The following VWA8 variants were observed in gnomAD, a reference collection of about 807,000 sequenced individuals.
The protein encoded by VWA8 is von Willebrand factor A domain-containing protein 8.
In VWA8, 221 loss-of-function variants were observed where a neutral mutation model predicts 241.5. That is an observed-to-expected ratio of 0.91 (90% CI 0.82 to 1.02). VWA8 has a LOEUF of 1.02. Among genes scored for constraint, VWA8 ranks in the 50% least tolerant of loss-of-function variants. The probability of loss-of-function intolerance (pLI) is 0.00; values close to 1 mark genes in which losing one functional copy is unlikely to be tolerated. For synonymous variants in VWA8, 852 were observed against 827.1 expected, an observed-to-expected ratio of 1.03 and a Z score of -0.52; for missense variants, 2,322 against 2,328.7, an observed-to-expected ratio of 1.00 and a Z score of 0.06.
intron 37 of VWA8, among the ~76,000 whole-genome samples, chr13:41,668,746 A>G (rs2045003156): frequency 6.6e-6 from 1 of 152,220 alleles, no homozygotes; most frequent in South Asian, 2.1e-4. Context: ...TAGATTATTA[A>G]GACAATTAGT....
At chr13:41,920,830 A>C (rs949872456) in intron 2 of VWA8, among the ~76,000 whole-genome samples, 3 of 152,216 alleles carry the variant, frequency 2.0e-5, no homozygotes, top group Non-Finnish European at 4.4e-5. Flanking sequence ...GACCAGATGG[A>C]TTCACAGCCA....
chr13:41,599,983 A>T (rs1292270372), intron 40 of VWA8, among the ~76,000 whole-genome samples: 3 of 152,144 alleles, frequency 2.0e-5, no homozygotes. Flanking sequence ...ATGGAGGTCA[A>T]GTGATCTGCT....
chr13:41,822,563 T>TA (rs2137988868), intron 14 of VWA8, among the ~76,000 whole-genome samples: 1 of 152,284 alleles, frequency 6.6e-6, no homozygotes, highest in South Asian at 2.1e-4. Flanking sequence ...TCATTGCTAT[T>TA]AACTTTTTGA....
chr13:41,576,539 AG>A (rs2044351564), intron 42 of VWA8, among the ~76,000 whole-genome samples: 1 of 152,238 alleles, frequency 6.6e-6, no homozygotes, highest in South Asian at 2.1e-4. Flanking sequence ...AAAAATAGGA[AG>A]TGAGAAGAAG....
chr13:41,902,465 T>C (rs1444002102), intron 4 of VWA8, among the ~76,000 whole-genome samples: 2 of 152,244 alleles, frequency 1.3e-5, no homozygotes, highest in African/African-American at 4.8e-5. Flanking sequence ...TCAATTATGC[T>C]ACCCTTCTTT....
intron 4 of VWA8, among the ~76,000 whole-genome samples, chr13:41,897,738 AGT>A: frequency 6.6e-6 from 1 of 152,170 alleles, no homozygotes; most frequent in East Asian, 1.9e-4. Context: ...CTTCGCTGTG[AGT>A]GTTACAGCTC....
intron 18 of VWA8, among the ~76,000 whole-genome samples, chr13:41,784,987 A>T (rs1215210508): frequency 6.6e-6 from 1 of 151,632 alleles, no homozygotes; most frequent in East Asian, 1.9e-4. Context: ...TGGAAGCCAG[A>T]AAACTAAGTA....
intron 2 of VWA8, among the ~76,000 whole-genome samples, chr13:41,917,727 A>G (rs1876326357): frequency 6.6e-6 from 1 of 152,234 alleles, no homozygotes; most frequent in Non-Finnish European, 1.5e-5. Context: ...CTGGGCCTAG[A>G]GGCAAATCTG....
intron 29 of VWA8, among the ~76,000 whole-genome samples, chr13:41,698,441 A>G (rs987991703): frequency 2.6e-5 from 4 of 152,052 alleles, no homozygotes; most frequent in African/African-American, 9.7e-5. Context: ...TTTTAGCCTG[A>G]CTCCGGGCAT....
At position 41,811,206 on chromosome 13, in the gene VWA8, T is replaced by G; in HGVS notation, c.2063+19A>C. 1.3e-6 allele frequency: 2 copies of G among 1,581,344 alleles called. No individual in the cohort carries two copies. Among genetic ancestry groups the G allele is most frequent in the Non-Finnish European group, 1.7e-6 (2 of 1,152,890 alleles). ...TGAAGATCCAGAAACTTACACGCAGTGAGAAAGAATATGTTTACCTGGAAA... is the reference window on the plus strand; with the variant it reads ...TGAAGATCCAGAAACTTACACGCAGGGAGAAAGAATATGTTTACCTGGAAA... On this transcript the variant is annotated intron_variant, in intron 17 of 44. Transcript: ENST00000379310.
At chr13:41,896,067 G>C (rs1875093227) in intron 4 of VWA8, among the ~76,000 whole-genome samples, 1 of 151,910 alleles carries the variant, frequency 6.6e-6, no homozygotes, top group Non-Finnish European at 1.5e-5. Flanking sequence ...ACCATGACTA[G>C]ATAGGCAAAT....
chr13:41,748,471 T>G (rs1433348560), intron 21 of VWA8, among the ~76,000 whole-genome samples: 1 of 152,186 alleles, frequency 6.6e-6, no homozygotes, highest in Non-Finnish European at 1.5e-5. Flanking sequence ...TTATTGCGTC[T>G]ATTTGATTCT....
chr13:41,783,770 C>A, intron 19 of VWA8, 25 bp downstream of exon 19: 1 of 1,542,448 alleles, frequency 6.5e-7, no homozygotes, highest in South Asian at 1.1e-5. Context: ...GTGATTTATC[C>A]AAGAACACAA....
At chr13:41,646,106 G>C (rs1231137482) in intron 37 of VWA8, among the ~76,000 whole-genome samples, 1 of 151,856 alleles carries the variant, frequency 6.6e-6, no homozygotes, top group Non-Finnish European at 1.5e-5. Flanking sequence ...AGCTGGGATT[G>C]CAGGCATGTG....
Position 41,833,360 on chromosome 13 carries a change from C to T in VWA8, c.1586+11G>A, listed in dbSNP as rs1251760300. 6.3e-7 allele frequency: 1 copy of T among 1,597,528 alleles called. No individual in the cohort carries two copies. Among genetic ancestry groups the T allele is most frequent in the Non-Finnish European group, 8.5e-7 (1 of 1,172,642 alleles). On this transcript the variant is annotated intron_variant, in intron 13 of 44. Coordinates refer to ENST00000379310, the MANE Select transcript of VWA8 (RefSeq NM_015058.2). ...GTGTGTCTGTGTGTGATTTTTGTGACTCATACCCACCTTTGCAATACAGCA... is the reference window on the plus strand; with the variant it reads ...GTGTGTCTGTGTGTGATTTTTGTGATTCATACCCACCTTTGCAATACAGCA...
chr13:41,784,727 T>TATATATATATATATATATATAC lies in VWA8; in HGVS notation c.2171-827_2171-826insGTATATATATATATATATATAT, dbSNP rs1555335045. 9.4e-4 allele frequency among the ~76,000 whole-genome samples: 65 copies of TATATATATATATATATATATAC among 68,952 alleles called. 4 individuals carry two copies. The highest frequency in any genetic ancestry group is 1.7e-3 in the Non-Finnish European group (52 of 31,460). The allele number at this position is 68,952 out of a possible 152,430, so 45.2% of individuals were successfully genotyped here. On this transcript the variant is annotated intron_variant, in intron 18 of 44. Coordinates refer to ENST00000379310, the MANE Select transcript of VWA8 (RefSeq NM_015058.2). ...ATATATATATATATATATATATATA[T>TATATATATATATATATATATAC]ATACACACACATATATATATATATA...
chr13:41,691,931 T>A lies in VWA8; in HGVS notation c.3683A>T (p.Tyr1228Phe). 6.2e-7 allele frequency: 1 copy of A among 1,607,042 alleles called. No individual in the cohort carries two copies. Residue 1228 changes from tyrosine to phenylalanine, a missense_variant, in exon 31 of 45, where the codon TAT (tyrosine) becomes TTT (phenylalanine). Coordinates refer to ENST00000379310, the MANE Select transcript of VWA8 (RefSeq NM_015058.2). ...FWWNKEEAET[Y>F]KMCKEFSHKN... ...GTGTGAAAATTCTTTACACATTTTA[T>A]AAGTTTCCTAAAGACAAACAAAACA...
At chr13:41,611,444 G>T in intron 39 of VWA8, 132 bp downstream of exon 39, 1 of 1,229,990 alleles carries the variant, frequency 8.1e-7, no homozygotes, top group Non-Finnish European at 1.1e-6. Flanking sequence ...GATGGCTGTG[G>T]ATTTCAGTTT....
chr13:41,736,844 C>CTTTTTTTT (rs5803100), intron 21 of VWA8, among the ~76,000 whole-genome samples: 3 of 128,488 alleles, frequency 2.3e-5, no homozygotes, highest in Non-Finnish European at 3.3e-5. Context: ...TTTTTCTTTT[C>CTTTTTTTT]TTTTTTTTTT....
Sources: allele counts gnomAD v4.1 joint callset (sites outside exome capture counted in the v4.1 genomes callset), GRCh38; gene constraint gnomAD v4.1.1; transcripts MANE v1.5; gene names NCBI Gene and HGNC (gene_info 2026-07-23, HGNC 2026-07-21).